Variants in USP10 observed in about 807,000 individuals in gnomAD.
USP10 encodes the protein ubiquitin specific peptidase 10, also known as ubiquitin carboxyl-terminal hydrolase 10.
A neutral mutation model predicts 84.5 loss-of-function variants in USP10; 22 were observed. That is an observed-to-expected ratio of 0.26 (90% CI 0.19 to 0.37). The LOEUF is 0.37. USP10 is among the 10% of genes least tolerant of loss of function. The pLI is 1.00. For synonymous variants in USP10, 454 were observed against 387.6 expected (o/e 1.17, Z -2.01); for missense variants, 1,019 against 998.9 (o/e 1.02, Z -0.27).
intron 1 of USP10, among the ~76,000 whole-genome samples, chr16:84,718,053 A>C (rs1907284199): frequency 6.6e-6 from 1 of 152,166 alleles, no homozygotes; most frequent in African/African-American, 2.4e-5. Context: ...TTGGGAGATT[A>C]CTTGTCTTAT....
At chr16:84,764,561 T>C (rs905905457) in intron 10 of USP10, among the ~76,000 whole-genome samples, 2 of 152,166 alleles carry the variant, frequency 1.3e-5, no homozygotes, top group African/African-American at 4.8e-5. Flanking sequence ...CCATACGCGG[T>C]GGTTCATGCC....
At chr16:84,757,301 C>T (rs1912658904) in intron 4 of USP10, among the ~76,000 whole-genome samples, 1 of 151,804 alleles carries the variant, frequency 6.6e-6, no homozygotes. Flanking sequence ...TAATATTTTA[C>T]TTTCTACAGA....
At position 84,744,683 on chromosome 16, in the gene USP10, A is replaced by T. The variant is rs371035288; in HGVS notation, c.202A>T (p.Ser68Cys). Residue 68 changes from serine (S) to cysteine (C), a missense_variant, in exon 4 of 14, where the codon AGT becomes TGT. Physicochemically the swap from Ser to Cys is moderately radical, Grantham distance 112. Coordinates refer to ENST00000219473, the MANE Select transcript of USP10 (RefSeq NM_005153.3). ...TGGTGTCGATGAAGTCATTGAACCC[A>T]GTGACACTTTGCCGAGAACCCCCAG... ...EFGVDEVIEP[S>C]DTLPRTPSYS... The T allele has an allele frequency of 1.2e-6, 2 of 1,613,636 alleles. No individual in the cohort carries two copies. The highest frequency in any genetic ancestry group is 8.5e-7 in the Non-Finnish European group (1 of 1,179,668).
intron 1 of USP10, among the ~76,000 whole-genome samples, chr16:84,730,976 C>CTTTTT (rs11401851): frequency 1.9e-5 from 2 of 105,062 alleles, no homozygotes; most frequent in African/African-American, 3.5e-5. Context: ...GCATTTCTAC[C>CTTTTT]TTTTTTTTTT....
chr16:84,714,744 G>A (rs1445380735), intron 1 of USP10, among the ~76,000 whole-genome samples: 2 of 151,710 alleles, frequency 1.3e-5, no homozygotes, highest in Non-Finnish European at 2.9e-5. Flanking sequence ...GAAGATGAAC[G>A]TCCTTAATTC....
chr16:84,774,788 T>C (rs559101401), intron 12 of USP10, among the ~76,000 whole-genome samples: 1 of 152,318 alleles, frequency 6.6e-6, no homozygotes, highest in East Asian at 1.9e-4. Context: ...AGTTTTATGA[T>C]CTGACGCATA....
intron 4 of USP10, among the ~76,000 whole-genome samples, chr16:84,748,959 A>C (rs201361121): frequency 1.3e-5 from 2 of 152,234 alleles, no homozygotes; most frequent in East Asian, 3.8e-4. Context: ...TAGGTCAGTT[A>C]TGAAGATGTT....
Position 84,779,110 on chromosome 16 carries a change from G to A in USP10, c.*28G>A. 1 of 1,592,792 alleles carries A rather than the reference G, an allele frequency of 6.3e-7. No homozygotes were observed. Among genetic ancestry groups the A allele is most frequent in the South Asian group, 1.1e-5 (1 of 89,814 alleles). ...CCTGTGTGCGCTGTGTGTGCGCCCA[G>A]TGCCCGCTTCGTAGGACACCACCTC... On this transcript the variant is annotated 3_prime_UTR_variant, in exon 14 of 14. Coordinates refer to ENST00000219473, the MANE Select transcript of USP10 (RefSeq NM_005153.3).
At chr16:84,703,691 A>G (rs1905155955) in intron 1 of USP10, among the ~76,000 whole-genome samples, 1 of 152,216 alleles carries the variant, frequency 6.6e-6, no homozygotes, top group African/African-American at 2.4e-5. Flanking sequence ...ACATGTCCTA[A>G]GAGTAGATGT....
intron 4 of USP10, among the ~76,000 whole-genome samples, chr16:84,755,227 C>A (rs1912394283): frequency 6.6e-6 from 1 of 151,542 alleles, no homozygotes; most frequent in South Asian, 2.1e-4. Context: ...ATGTTCAAGC[C>A]CCGTCTCACC....
chr16:84,752,072 C>T (rs1238906239), intron 4 of USP10, among the ~76,000 whole-genome samples: 3 of 152,112 alleles, frequency 2.0e-5, no homozygotes, highest in Admixed American at 6.5e-5. Context: ...TTCTGTATGT[C>T]AGCAGATTTC....
At chr16:84,764,326 G>C in intron 10 of USP10, 63 bp downstream of exon 10, 1 of 1,604,924 alleles carries the variant, frequency 6.2e-7, no homozygotes, top group East Asian at 2.2e-5. Flanking sequence ...TGTTGGTGAA[G>C]GGGGAAGGTG....
chr16:84,711,778 G>C (rs1457803271), intron 1 of USP10, among the ~76,000 whole-genome samples: 4 of 146,876 alleles, frequency 2.7e-5, no homozygotes, highest in African/African-American at 1.0e-4. Context: ...CCCAGGCAGT[G>C]GCAAGATCTC....
At chr16:84,737,372 G>A (rs553308536) in intron 2 of USP10, among the ~76,000 whole-genome samples, 4 of 152,198 alleles carry the variant, frequency 2.6e-5, no homozygotes, top group Non-Finnish European at 5.9e-5. Flanking sequence ...CTTACAAATA[G>A]TTATATAGTT....
At chr16:84,726,670 G>A (rs1908523932) in intron 1 of USP10, among the ~76,000 whole-genome samples, 3 of 152,216 alleles carry the variant, frequency 2.0e-5, no homozygotes. Flanking sequence ...GTAAAGATGT[G>A]AACAGTGAGA....
intron 10 of USP10, among the ~76,000 whole-genome samples, chr16:84,764,558 C>T (rs1014494971): frequency 2.0e-5 from 3 of 152,122 alleles, no homozygotes; most frequent in African/African-American, 7.2e-5. Flanking sequence ...TGGCCATACG[C>T]GGTGGTTCAT....
chr16:84,724,823 C>G (rs1356537189), intron 1 of USP10, among the ~76,000 whole-genome samples: 1 of 152,144 alleles, frequency 6.6e-6, no homozygotes, highest in Non-Finnish European at 1.5e-5. Context: ...GGCGAACTTC[C>G]TGGTGTGCAT....
chr16:84,705,238 GT>G (rs559337982), intron 1 of USP10, among the ~76,000 whole-genome samples: 102 of 143,776 alleles, frequency 7.1e-4, no homozygotes, highest in Non-Finnish European at 1.2e-3. Flanking sequence ...TTTTTTGTTT[GT>G]TTTTTTTTTT....
At chr16:84,757,402 G>T (rs56767487) in intron 4 of USP10, among the ~76,000 whole-genome samples, 29,576 of 81,500 alleles carry the variant, frequency 0.36, 3,159 homozygotes, top group African/African-American at 0.39. Context: ...GAGGGGTGGG[G>T]GTGTGTGTGT....
Sources: gnomAD v4.1 joint callset for allele counts (sites outside exome capture counted in the v4.1 genomes callset) on GRCh38, gnomAD v4.1.1 for gene constraint, MANE v1.5 for transcripts, NCBI Gene and HGNC (gene_info 2026-07-23, HGNC 2026-07-21) for gene names.